The following SLC16A12 variants were observed in gnomAD, a reference collection of about 807,000 sequenced individuals.
SLC16A12 encodes the protein solute carrier family 16 member 12.
Under a neutral mutation model 42.4 loss-of-function variants are expected in SLC16A12, and 17 were observed. That is an observed-to-expected ratio of 0.40 (90% CI 0.27 to 0.60). The LOEUF (loss-of-function observed/expected upper bound fraction) is 0.60. SLC16A12 is among the 20% of genes least tolerant of loss of function. SLC16A12 has a pLI of 0.42. For synonymous variants in SLC16A12, 224 were observed against 229.4 expected (o/e 0.98, Z 0.21); for missense variants, 544 against 623.0 (o/e 0.87, Z 1.35).
At chr10:89,542,243 A>T (rs1843719738) in intron 2 of SLC16A12, among the ~76,000 whole-genome samples, 1 of 151,964 alleles carries the variant, frequency 6.6e-6, no homozygotes, top group Non-Finnish European at 1.5e-5. Context: ...ATGCTAACAA[A>T]TATTATTTTT....
chr10:89,503,013 T>C (rs553629383), intron 2 of SLC16A12, among the ~76,000 whole-genome samples: 1 of 152,328 alleles, frequency 6.6e-6, no homozygotes, highest in African/African-American at 2.4e-5. Flanking sequence ...TGGTAATAAG[T>C]ACCTTGTCAA....
upstream of SLC16A12, among the ~76,000 whole-genome samples, chr10:89,538,048 G>A (rs1843691989): frequency 6.6e-6 from 1 of 152,252 alleles, no homozygotes; most frequent in Non-Finnish European, 1.5e-5. Flanking sequence ...ACCCCTTTGG[G>A]GTTCCACGCT....
intron 2 of SLC16A12, among the ~76,000 whole-genome samples, chr10:89,484,607 G>A (rs993782157): frequency 6.6e-6 from 1 of 152,136 alleles, no homozygotes; most frequent in African/African-American, 2.4e-5. Context: ...TAAATAGTCT[G>A]TCCAAGCCAC....
intron 2 of SLC16A12, among the ~76,000 whole-genome samples, chr10:89,554,119 G>GGAAGGAAGGAAAGAAA (rs1843792980): frequency 7.1e-6 from 1 of 141,514 alleles, no homozygotes; most frequent in African/African-American, 2.7e-5. Context: ...AAGGAAGGAA[G>GGAAGGAAGGAAAGAAA]GAAGGAAGGA....
chr10:89,539,780 G>A (rs146724907), upstream of SLC16A12, among the ~76,000 whole-genome samples: 1 of 152,124 alleles, frequency 6.6e-6, no homozygotes, highest in African/African-American at 2.4e-5. Flanking sequence ...AGTATTTTAC[G>A]TAGTCAGCTG....
chr10:89,449,158 A>G (rs947899779), intron 3 of SLC16A12, among the ~76,000 whole-genome samples: 3 of 152,238 alleles, frequency 2.0e-5, no homozygotes, highest in Admixed American at 1.3e-4. Context: ...GAAAGAATCA[A>G]TAACTTGAAA....
intron 3 of SLC16A12, among the ~76,000 whole-genome samples, chr10:89,451,493 C>T (rs1842095891): frequency 6.6e-6 from 1 of 152,008 alleles, no homozygotes; most frequent in African/African-American, 2.4e-5. Context: ...GTCACTGCAA[C>T]CTCCGCCTCC....
At chr10:89,497,698 G>GT (rs1314407484) in intron 2 of SLC16A12, among the ~76,000 whole-genome samples, 1 of 151,686 alleles carries the variant, frequency 6.6e-6, no homozygotes, top group Non-Finnish European at 1.5e-5. Context: ...CCTCTGTGCA[G>GT]TTACTGATTA....
chr10:89,518,687 T>C (rs1843298358), intron 2 of SLC16A12, among the ~76,000 whole-genome samples: 1 of 152,132 alleles, frequency 6.6e-6, no homozygotes, highest in Non-Finnish European at 1.5e-5. Context: ...ACTTGCTGTG[T>C]GACCTGGAAC....
intron 2 of SLC16A12, among the ~76,000 whole-genome samples, chr10:89,474,785 A>G (rs1842550872): frequency 6.6e-6 from 1 of 152,208 alleles, no homozygotes; most frequent in South Asian, 2.1e-4. Context: ...ATTCACTGCT[A>G]CATATATGTT....
At chr10:89,547,966 CAAAAAA>C (rs60543445) in intron 2 of SLC16A12, among the ~76,000 whole-genome samples, 4 of 81,608 alleles carry the variant, frequency 4.9e-5, no homozygotes, top group East Asian at 3.3e-4. Context: ...CCAGCCTGGG[CAAAAAA>C]AAAAAAAAAA....
intron 2 of SLC16A12, among the ~76,000 whole-genome samples, chr10:89,529,087 C>G (rs1186131248): frequency 1.3e-5 from 2 of 152,206 alleles, no homozygotes; most frequent in Non-Finnish European, 2.9e-5. Context: ...AAGCAGCATT[C>G]TGTTCTCCCT....
chr10:89,543,193 A>G (rs188488922), intron 2 of SLC16A12, among the ~76,000 whole-genome samples: 10 of 152,374 alleles, frequency 6.6e-5, no homozygotes, highest in Admixed American at 3.9e-4. Flanking sequence ...TAAATCTAGA[A>G]TCTAGGTAGA....
intron 2 of SLC16A12, among the ~76,000 whole-genome samples, chr10:89,470,232 T>A (rs1404290321): frequency 1.3e-5 from 2 of 152,152 alleles, no homozygotes; most frequent in African/African-American, 4.8e-5. Flanking sequence ...AAGCCTACCC[T>A]GAGAGGAAAG....
At chr10:89,542,241 A>C (rs1398747602) in intron 2 of SLC16A12, among the ~76,000 whole-genome samples, 3 of 152,144 alleles carry the variant, frequency 2.0e-5, no homozygotes. Context: ...ATATGCTAAC[A>C]AATATTATTT....
chr10:89,457,117 A>G (rs1842206796), intron 3 of SLC16A12, among the ~76,000 whole-genome samples: 1 of 152,210 alleles, frequency 6.6e-6, no homozygotes, highest in Non-Finnish European at 1.5e-5. Flanking sequence ...CTATGCAAAA[A>G]TTGACAAATA....
intron 3 of SLC16A12, 65 bp downstream of exon 3, chr10:89,462,314 A>C (rs1208364108): frequency 6.2e-7 from 1 of 1,605,044 alleles, no homozygotes; most frequent in Non-Finnish European, 8.5e-7. Context: ...AAAGAGAATG[A>C]AGCAGATTTA....
At chr10:89,460,299 G>A (rs1842276294) in intron 3 of SLC16A12, among the ~76,000 whole-genome samples, 1 of 152,064 alleles carries the variant, frequency 6.6e-6, no homozygotes, top group Non-Finnish European at 1.5e-5. Context: ...ATATAGATGA[G>A]TCTTACAGAC....
chr10:89,518,392 C>A (rs1454806376), intron 2 of SLC16A12, among the ~76,000 whole-genome samples: 1 of 152,200 alleles, frequency 6.6e-6, no homozygotes, highest in African/African-American at 2.4e-5. Flanking sequence ...CGTGCCCTAA[C>A]CCCAGCAGCT....
Sources: gnomAD v4.1 joint callset for allele counts (sites outside exome capture counted in the v4.1 genomes callset) on GRCh38, gnomAD v4.1.1 for gene constraint, MANE v1.5 for transcripts, NCBI Gene and HGNC (gene_info 2026-07-23, HGNC 2026-07-21) for gene names.